Variants in SUSD4 observed in about 807,000 individuals in gnomAD.
SUSD4 encodes sushi domain containing 4, also known as sushi domain-containing protein 4.
In SUSD4, 41 loss-of-function variants were observed where a neutral mutation model predicts 50.5. The observed-to-expected ratio is 0.81, with a 90% CI of 0.63 to 1.05. SUSD4 has a LOEUF of 1.05. Among genes scored for constraint, SUSD4 ranks in the 50% least tolerant of loss-of-function variants. The probability of loss-of-function intolerance (pLI) is 0.00; values close to 1 mark genes in which losing one functional copy is unlikely to be tolerated. For synonymous variants in SUSD4, 257 were observed against 257.3 expected (o/e 1.00, Z 0.01); for missense variants, 580 against 634.7 (o/e 0.91, Z 0.93).
At chr1:223,249,229 G>C (rs1182711372) in intron 5 of SUSD4, among the ~76,000 whole-genome samples, 1 of 152,122 alleles carries the variant, frequency 6.6e-6, no homozygotes, top group Non-Finnish European at 1.5e-5. Context: ...TGTAAGGGAA[G>C]GAAATCAGGG....
chr1:223,342,945 A>T (rs1477514326), intron 2 of SUSD4, among the ~76,000 whole-genome samples: 1 of 152,226 alleles, frequency 6.6e-6, no homozygotes, highest in African/African-American at 2.4e-5. Context: ...CATTGTTGAT[A>T]TGTGAAAGGT....
In SUSD4 at chr1:223,332,099, C is replaced by G. The variant is rs1156531254; in HGVS notation, c.148+31179G>C. 2.6e-5 allele frequency among the ~76,000 whole-genome samples: 4 copies of G among 152,172 alleles called. No homozygotes were observed. The highest frequency in any genetic ancestry group is 9.7e-5 in the African/African-American group (4 of 41,428). On this transcript the variant is annotated intron_variant, in intron 2 of 8. Transcript: ENST00000366878. This position sits in a 1 kb window ranked among gnomAD's most constrained non-coding sequence, Gnocchi z 4.0. ...CAGTGTGAGCCTGGTTACAAAGCCC[C>G]CTATTCTCCAGTTGCTGATTTCTAG...
rs1261262392 is a variant in SUSD4, at chr1:223,221,157, T to C, written c.*1035A>G. 2.5e-6 allele frequency: 1 copy of C among 400,682 alleles called. No individual in the cohort carries two copies. The highest frequency in any genetic ancestry group is 4.4e-6 in the Non-Finnish European group (1 of 226,242). The allele number at this position is 400,682 out of a possible 1,614,324, so 24.8% of individuals were successfully genotyped here. ...GGGCTGGGAGGCCAGCCTCCTGGAA[T>C]CTTAGGACAAATAAAAGGGGGAAAA... On this transcript the variant is annotated 3_prime_UTR_variant, in exon 9 of 9. Transcript: ENST00000366878.
intron 2 of SUSD4, among the ~76,000 whole-genome samples, chr1:223,317,834 C>CTTTTTTT (rs1235672082): frequency 1.2e-4 from 10 of 80,170 alleles, no homozygotes; most frequent in Admixed American, 2.9e-4. Flanking sequence ...GCTTGCCCTT[C>CTTTTTTT]TTTTTTTTTT....
intron 2 of SUSD4, among the ~76,000 whole-genome samples, chr1:223,336,637 G>A (rs1169416656): frequency 6.6e-6 from 1 of 152,018 alleles, no homozygotes; most frequent in East Asian, 1.9e-4. Flanking sequence ...ATTCCTCTAT[G>A]GACTTGTATG....
At chr1:223,269,714 CA>C (rs1558199376) in intron 3 of SUSD4, among the ~76,000 whole-genome samples, 1 of 152,144 alleles carries the variant, frequency 6.6e-6, no homozygotes, top group Non-Finnish European at 1.5e-5. Context: ...TAAAACAAGG[CA>C]AAAACCAAGA....
intron 5 of SUSD4, among the ~76,000 whole-genome samples, chr1:223,236,533 G>C (rs921965628): frequency 1.3e-5 from 2 of 151,694 alleles, no homozygotes; most frequent in African/African-American, 4.8e-5. Context: ...AAGAGTGTAA[G>C]GTCTGTGTCT....
intron 2 of SUSD4, among the ~76,000 whole-genome samples, chr1:223,330,508 A>G (rs1425764883): frequency 6.6e-6 from 1 of 152,220 alleles, no homozygotes; most frequent in Non-Finnish European, 1.5e-5. Context: ...AAAACAACAA[A>G]CGAGAAAATA....
At chr1:223,320,277 G>A (rs1430396538) in intron 2 of SUSD4, among the ~76,000 whole-genome samples, 1 of 152,216 alleles carries the variant, frequency 6.6e-6, no homozygotes, top group Non-Finnish European at 1.5e-5. Flanking sequence ...AGACAGCAGT[G>A]CAGTATTTGC....
chr1:223,239,588 C>T (rs1660443529), intron 5 of SUSD4, among the ~76,000 whole-genome samples: 1 of 151,968 alleles, frequency 6.6e-6, no homozygotes, highest in Non-Finnish European at 1.5e-5. Flanking sequence ...AATCCAAGTC[C>T]ACTTTCAAAT....
chr1:223,268,523 T>G lies in SUSD4; in HGVS notation c.514A>C (p.Asn172His). 6.2e-7 allele frequency: 1 copy of G among 1,613,802 alleles called. No individual in the cohort carries two copies. The highest frequency in any genetic ancestry group is 8.5e-7 in the Non-Finnish European group (1 of 1,179,854). The change falls in exon 4 of 9, where the codon AAT becomes CAT. Residue 172 changes from asparagine (N) to histidine (H), a missense_variant. By Grantham distance (68) the Asn-to-His change is moderately conservative (BLOSUM62 1). Transcript: ENST00000366878. The stretch of plus-strand genomic sequence containing the variant: ...GTACCTTGACAGATGGGCAGATTAT[T>G]CCACGTTCCATCATCGCGACATAAT... ...VSLCRDDGTW[N>H]NLPICQGCLR... is the part of the protein sequence containing the mutation.
At chr1:223,270,531 G>T (rs938136235) in intron 3 of SUSD4, among the ~76,000 whole-genome samples, 2 of 151,956 alleles carry the variant, frequency 1.3e-5, no homozygotes, top group African/African-American at 4.8e-5. Context: ...TCTGGCTTTG[G>T]TTTTACCTTT....
chr1:223,321,484 C>T (rs1353614064), intron 2 of SUSD4, among the ~76,000 whole-genome samples: 4 of 152,248 alleles, frequency 2.6e-5, no homozygotes, highest in African/African-American at 9.6e-5. Flanking sequence ...TAATCAATAT[C>T]TGTTATTATC....
At position 223,223,252 on chromosome 1, in the gene SUSD4, C is replaced by A. The variant is rs373121753; in HGVS notation, c.1441G>T (p.Asp481Tyr). Residue 481 changes from aspartate (D) to tyrosine (Y), a missense_variant, in exon 8 of 9, where the codon GAT becomes TAT. Transcript: ENST00000366878. The stretch of plus-strand genomic sequence containing the variant: ...GGGCCCTGGGGCAAGCACTTACCAT[C>A]TGCAATGTCGATGCCTGGGCTGGTG... ...ASTSPGIDIA[D>Y]EIPLMEEDP 2.0e-6 allele frequency: 3 copies of A among 1,534,100 alleles called. No individual in the cohort carries two copies. The African/African-American group carries it at 4.1e-5, about 21-fold the overall frequency.
chr1:223,255,265 A>T (rs1353303657), intron 5 of SUSD4, among the ~76,000 whole-genome samples: 1 of 152,214 alleles, frequency 6.6e-6, no homozygotes. Context: ...TGAGAATAAG[A>T]TCTAAAAATC....
intron 2 of SUSD4, among the ~76,000 whole-genome samples, chr1:223,319,594 C>G (rs571339811): frequency 3.9e-5 from 6 of 152,326 alleles, no homozygotes; most frequent in African/African-American, 1.4e-4. Flanking sequence ...CCAAAGGACA[C>G]ACTGAAAATT....
chr1:223,297,920 AGGTGGATGAATG>A (rs922857835), intron 2 of SUSD4, among the ~76,000 whole-genome samples: 3 of 151,926 alleles, frequency 2.0e-5, no homozygotes, highest in Non-Finnish European at 2.9e-5. Flanking sequence ...ATGGATGGAC[AGGTGGATGAATG>A]GGTGGATAGA....
Position 223,229,706 on chromosome 1 carries a change from G to A in SUSD4, c.725-318C>T, listed in dbSNP as rs748856590. 2.6e-5 allele frequency among the ~76,000 whole-genome samples: 4 copies of A among 152,204 alleles called. No individual in the cohort carries two copies. The highest frequency in any genetic ancestry group is 5.9e-5 in the Non-Finnish European group (4 of 68,034). On this transcript the variant is annotated intron_variant, in intron 5 of 8. Coordinates refer to ENST00000366878, the MANE Select transcript of SUSD4 (RefSeq NM_017982.4). This position sits in a 1 kb window ranked among gnomAD's most constrained non-coding sequence, Gnocchi z 4.7. ...TTAAGCTACTGTATTAATAATGCAT[G>A]CTATTATGTGCCAGACAACCTAGTA...
chr1:223,310,367 C>T (rs778855460), intron 2 of SUSD4, among the ~76,000 whole-genome samples: 4 of 152,178 alleles, frequency 2.6e-5, no homozygotes, highest in Non-Finnish European at 5.9e-5. Flanking sequence ...CAGACTTTCT[C>T]AGGAGCACCT....
Sources: gnomAD v4.1 joint callset for allele counts (sites outside exome capture counted in the v4.1 genomes callset) on GRCh38, gnomAD v4.1.1 for gene constraint, Gnocchi (gnomAD v3.1) non-coding constraint, MANE v1.5 for transcripts, NCBI Gene and HGNC (gene_info 2026-07-23, HGNC 2026-07-21) for gene names.